Variants in ARID2 observed in about 807,000 individuals in gnomAD.
ARID2 encodes the protein AT-rich interactive domain-containing protein 2.
In ARID2, 32 loss-of-function variants were observed where a neutral mutation model predicts 184.6. The ratio of observed to expected loss-of-function variants is 0.17; its 90% CI spans 0.13 to 0.23. ARID2 has a LOEUF of 0.23. Among genes scored for constraint, ARID2 ranks in the 10% least tolerant of loss-of-function variants. The probability of loss-of-function intolerance (pLI) is 1.00; values close to 1 mark genes in which losing one functional copy is unlikely to be tolerated. For missense variants in ARID2, 1,696 were observed against 2,197.6 expected (o/e 0.77, Z 4.56); for synonymous variants, 836 against 772.6 (o/e 1.08, Z -1.36).
intron 3 of ARID2, among the ~76,000 whole-genome samples, chr12:45,799,273 T>C (rs1942450627): frequency 6.6e-6 from 1 of 152,182 alleles, no homozygotes; most frequent in African/African-American, 2.4e-5. Flanking sequence ...AGGCTTTAAA[T>C]CACTTTAATA....
chr12:45,791,559 CCTT>C (rs1482699313), intron 3 of ARID2, among the ~76,000 whole-genome samples: 15 of 152,118 alleles, frequency 9.9e-5, no homozygotes, highest in African/African-American at 3.6e-4. Context: ...GAACTCTTCT[CCTT>C]ATTTTTGGAA....
At position 45,851,779 on chromosome 12, in the gene ARID2, C is replaced by T. The variant is rs918143047; in HGVS notation, c.3656C>T (p.Ala1219Val). The change falls in exon 15 of 21, where the codon GCC becomes GTC. Residue 1219 changes from alanine (A) to valine (V), a missense_variant. This residue lies in a region of ARID2 where 428 missense variants were observed against 409.1 expected (regional missense o/e 1.05). Coordinates refer to ENST00000334344, the MANE Select transcript of ARID2 (RefSeq NM_152641.4). ...GVGLPVQTLP[A>V]TQASPAGQSS... The stretch of plus-strand genomic sequence containing the variant: ...GGACTTCCAGTACAAACGCTTCCAG[C>T]CACTCAAGCATCTCCTGCTGGACAA... 1.2e-6 allele frequency: 2 copies of T among 1,614,126 alleles called. No homozygotes were observed. The highest frequency in any genetic ancestry group is 8.5e-7 in the Non-Finnish European group (1 of 1,180,014).
intron 3 of ARID2, among the ~76,000 whole-genome samples, chr12:45,735,213 G>A (rs1365545651): frequency 6.6e-6 from 1 of 151,690 alleles, no homozygotes; most frequent in Non-Finnish European, 1.5e-5. Flanking sequence ...GTGTTCTCTA[G>A]TTAGTGTCCA....
intron 16 of ARID2, chr12:45,882,033 G>A (rs1944112773): frequency 5.8e-6 from 1 of 173,220 alleles, no homozygotes; most frequent in Non-Finnish European, 1.2e-5. Flanking sequence ...ATGGCCTCAG[G>A]TTCTAGGTGC....
chr12:45,743,223 G>A (rs1427302730), intron 3 of ARID2, among the ~76,000 whole-genome samples: 1 of 151,840 alleles, frequency 6.6e-6, no homozygotes, highest in Admixed American at 6.6e-5. Flanking sequence ...ACAAAAATTA[G>A]CCAGGTGCTG....
At chr12:45,787,636 C>T (rs1335807067) in intron 3 of ARID2, among the ~76,000 whole-genome samples, 1 of 152,032 alleles carries the variant, frequency 6.6e-6, no homozygotes, top group Non-Finnish European at 1.5e-5. Flanking sequence ...GCTATAATGC[C>T]TTTACTAATC....
chr12:45,761,111 A>G (rs1941670192), intron 3 of ARID2, among the ~76,000 whole-genome samples: 1 of 152,126 alleles, frequency 6.6e-6, no homozygotes, highest in South Asian at 2.1e-4. Flanking sequence ...CTATGTTAGA[A>G]CTTAGCTCTG....
In ARID2 at chr12:45,905,946, T is replaced by TC; in HGVS notation, c.*868_*869insC. ...TGATTTTTTTTTCTTTTTTCTTTTT[T>TC]TTTTTCTTTTTTTTTTTGTATTATA... On this transcript the variant is annotated 3_prime_UTR_variant, in exon 21 of 21. Coordinates refer to ENST00000334344, the MANE Select transcript of ARID2 (RefSeq NM_152641.4). The TC allele has an allele frequency of 4.4e-6, 1 of 228,486 alleles. No individual in the cohort carries two copies. The highest frequency in any genetic ancestry group is 8.6e-6 in the Non-Finnish European group (1 of 116,806). 14.2% of individuals were successfully genotyped at this position (228,486 alleles called of 1,614,324 possible).
chr12:45,894,208 A>G (rs899380829), intron 20 of ARID2, among the ~76,000 whole-genome samples: 7 of 152,154 alleles, frequency 4.6e-5, no homozygotes, highest in Non-Finnish European at 8.8e-5. Flanking sequence ...TTGTAGATCT[A>G]CAGAAACTAG....
intron 16 of ARID2, among the ~76,000 whole-genome samples, chr12:45,862,094 A>G (rs1342733126): frequency 6.6e-6 from 1 of 152,208 alleles, no homozygotes; most frequent in Non-Finnish European, 1.5e-5. Flanking sequence ...ATAGTATGCA[A>G]AATATCTATA....
chr12:45,900,665 T>G (rs1336168517), intron 20 of ARID2, among the ~76,000 whole-genome samples: 1 of 152,340 alleles, frequency 6.6e-6, no homozygotes, highest in South Asian at 2.1e-4. Context: ...TTATTTTCTT[T>G]TCTTGTTTTA....
chr12:45,746,930 C>T (rs565880548), intron 3 of ARID2, among the ~76,000 whole-genome samples: 2 of 152,264 alleles, frequency 1.3e-5, no homozygotes, highest in East Asian at 3.9e-4. Flanking sequence ...CCATGCCCAG[C>T]TAATTTTTCT....
In ARID2 at chr12:45,861,969, T is replaced by C. The variant is rs546964811; in HGVS notation, c.4922+1020T>C. ...TAATAGCAGAAATTACCATATCTTT[T>C]ACAAGCTATCTTTGCTATTCATATT... On this transcript the variant is annotated intron_variant, in intron 16 of 20. Coordinates refer to ENST00000334344, the MANE Select transcript of ARID2 (RefSeq NM_152641.4). Among the ~76,000 whole-genome samples the C allele has an allele frequency of 9.2e-5, 14 of 152,352 alleles. No homozygotes were observed. The South Asian group carries it at 2.9e-3, about 32-fold the overall frequency.
chr12:45,851,607 A>G lies in ARID2; in HGVS notation c.3484A>G (p.Thr1162Ala), dbSNP rs2138172333. 2 of 1,614,150 alleles carry G rather than the reference A, an allele frequency of 1.2e-6. No individual in the cohort carries two copies. Among genetic ancestry groups the G allele is most frequent in the Non-Finnish European group, 1.7e-6 (2 of 1,179,998 alleles). Residue 1162 changes from threonine (T) to alanine (A), a missense_variant, in exon 15 of 21, where the codon ACC (threonine) becomes GCC (alanine). Coordinates refer to ENST00000334344, the MANE Select transcript of ARID2 (RefSeq NM_152641.4). Reference sequence around the variant, plus strand: ...TCCACTGATCTCAAATAGCCCAGCAACCATTTTCCAAGGGACTTCTGGCAA... The same window carrying G: ...TCCACTGATCTCAAATAGCCCAGCAGCCATTTTCCAAGGGACTTCTGGCAA... Reference protein sequence around the residue: ...PGPLISNSPATIFQGTSGNQV... With the variant: ...PGPLISNSPAAIFQGTSGNQV...
chr12:45,754,500 C>T (rs1941525782), intron 3 of ARID2, among the ~76,000 whole-genome samples: 1 of 152,224 alleles, frequency 6.6e-6, no homozygotes, highest in Admixed American at 6.5e-5. Context: ...CCAAGTTTTT[C>T]TCACCTTTCT....
At chr12:45,819,704 AG>A (rs1455249152) in intron 5 of ARID2, among the ~76,000 whole-genome samples, 2 of 150,934 alleles carry the variant, frequency 1.3e-5, no homozygotes, top group Non-Finnish European at 3.0e-5. Flanking sequence ...TTGTTTTCCC[AG>A]GGATGTTATT....
intron 16 of ARID2, among the ~76,000 whole-genome samples, chr12:45,885,335 T>G (rs1283086443): frequency 1.3e-5 from 2 of 152,122 alleles, no homozygotes; most frequent in Non-Finnish European, 2.9e-5. Flanking sequence ...GCAGTATGAA[T>G]TTTTTGGATG....
rs1943537169 is a variant in ARID2 at position 45,850,924 on chromosome 12, A to G, written c.2801A>G (p.Gln934Arg). The G allele has an allele frequency of 1.9e-6, 3 of 1,614,190 alleles. No individual in the cohort carries two copies. The highest frequency in any genetic ancestry group is 2.5e-6 in the Non-Finnish European group (3 of 1,180,018). ...QSVVIVSQPA[Q>R]QGQTYAPAIH... ...GTAGTGATTGTAAGCCAGCCAGCTC[A>G]ACAAGGTCAAACTTATGCACCAGCC... is the stretch of plus-strand genomic sequence containing the variant. The change falls in exon 15 of 21, where the codon CAA becomes CGA. Residue 934 changes from glutamine to arginine, a missense_variant. This residue lies in a region of ARID2 where 713 missense variants were observed against 824.4 expected (regional missense o/e 0.86). Transcript: ENST00000334344.
intron 3 of ARID2, among the ~76,000 whole-genome samples, chr12:45,761,657 T>C (rs1013405461): frequency 6.6e-5 from 10 of 152,132 alleles, no homozygotes; most frequent in Non-Finnish European, 1.5e-4. Context: ...TAAAATTTTG[T>C]CTTTGAAAGG....
Sources: gnomAD v4.1 joint callset for allele counts (sites outside exome capture counted in the v4.1 genomes callset) on GRCh38, gnomAD v4.1.1 for gene constraint, gnomAD v4.1.1 regional missense constraint, MANE v1.5 for transcripts, NCBI Gene and HGNC (gene_info 2026-07-23, HGNC 2026-07-21) for gene names.